Variants in SDK1 observed in about 807,000 individuals in gnomAD.
The protein encoded by SDK1 is protein sidekick-1.
SDK1 carries 157 observed loss-of-function variants against 245.5 expected under a neutral mutation model. The observed-to-expected ratio is 0.64, with a 90% confidence interval of 0.56 to 0.73. SDK1 has a LOEUF of 0.73. Ranked by LOEUF, SDK1 falls within the 30% of genes least tolerant of loss-of-function variation. SDK1 has a pLI of 0.00. For missense variants in SDK1, 3,583 were observed against 3,002.3 expected, an observed-to-expected ratio of 1.19 and a Z score of -4.52; for synonymous variants, 1,647 against 1,278.5, an observed-to-expected ratio of 1.29 and a Z score of -6.15.
intron 1 of SDK1, among the ~76,000 whole-genome samples, chr7:3,377,990 G>A (rs1301028979): frequency 2.0e-5 from 3 of 152,040 alleles, no homozygotes; most frequent in Non-Finnish European, 4.4e-5. Flanking sequence ...TGTTGGCCAG[G>A]CTGGTCTTGA....
At chr7:4,130,260 A>T in intron 27 of SDK1, 163 bp downstream of exon 27, 1 of 714,758 alleles carries the variant, frequency 1.4e-6, no homozygotes, top group Non-Finnish European at 2.2e-6. Context: ...CTGAGCACTT[A>T]TATGGCCAAT....
At chr7:4,183,167 G>A (rs558607614) in intron 35 of SDK1, among the ~76,000 whole-genome samples, 8 of 152,290 alleles carry the variant, frequency 5.3e-5, no homozygotes, top group South Asian at 2.1e-4. Flanking sequence ...GCCGTGAGTC[G>A]TGAGTCATGA....
In SDK1 at chr7:3,732,700, C is replaced by A. The variant is rs565610108; in HGVS notation, c.714-88750C>A. 2.0e-5 allele frequency among the ~76,000 whole-genome samples: 3 copies of A among 152,328 alleles called. No homozygotes were observed. The East Asian group carries it at 5.8e-4, about 29-fold the overall frequency. On this transcript the variant is annotated intron_variant, in intron 4 of 44. Coordinates refer to ENST00000404826, the MANE Select transcript of SDK1 (RefSeq NM_152744.4). ...TGAGGCGCTGAAATGTCTAGCCACACATTTAATGAAATATAATTTGGTGAC... is the reference window on the plus strand; with the variant it reads ...TGAGGCGCTGAAATGTCTAGCCACAAATTTAATGAAATATAATTTGGTGAC...
At chr7:3,592,717 C>T (rs1188311538) in intron 1 of SDK1, among the ~76,000 whole-genome samples, 1 of 152,150 alleles carries the variant, frequency 6.6e-6, no homozygotes, top group South Asian at 2.1e-4. Flanking sequence ...TGTGGGAATC[C>T]TGCTTGGGTA....
chr7:3,314,993 T>C (rs1779631576), intron 1 of SDK1, among the ~76,000 whole-genome samples: 1 of 152,140 alleles, frequency 6.6e-6, no homozygotes, highest in Admixed American at 6.5e-5. Context: ...TCTGACTTTT[T>C]CCTTACTTTA....
intron 42 of SDK1, among the ~76,000 whole-genome samples, 183 bp downstream of exon 42, chr7:4,237,967 A>G (rs538166032): frequency 1.9e-4 from 29 of 152,204 alleles, no homozygotes; most frequent in African/African-American, 6.5e-4. Context: ...CAAACGCTCT[A>G]TGCCTCGGGA....
chr7:3,858,329 G>C (rs544223068), intron 5 of SDK1, among the ~76,000 whole-genome samples: 36 of 152,150 alleles, frequency 2.4e-4, no homozygotes, highest in African/African-American at 8.2e-4. Flanking sequence ...AGAGCGGGAG[G>C]ATTGCTGAGC....
chr7:3,527,744 A>G (rs182653247), intron 1 of SDK1, among the ~76,000 whole-genome samples: 1 of 147,630 alleles, frequency 6.8e-6, no homozygotes, highest in African/African-American at 2.5e-5. Flanking sequence ...GTAAGGTTGG[A>G]TGATAGCTAG....
intron 4 of SDK1, among the ~76,000 whole-genome samples, chr7:3,659,851 G>C (rs1464303737): frequency 6.6e-6 from 1 of 152,184 alleles, no homozygotes; most frequent in Admixed American, 6.5e-5. Flanking sequence ...TGAAAGTGTA[G>C]GTTAAAAGTA....
At chr7:3,664,752 A>G (rs1783475740) in intron 4 of SDK1, among the ~76,000 whole-genome samples, 1 of 152,054 alleles carries the variant, frequency 6.6e-6, no homozygotes, top group African/African-American at 2.4e-5. Context: ...AAAAAAAAAA[A>G]AAAAATTGAG....
At chr7:4,069,559 C>A (rs1361672736) in intron 20 of SDK1, among the ~76,000 whole-genome samples, 1 of 152,194 alleles carries the variant, frequency 6.6e-6, no homozygotes, top group Non-Finnish European at 1.5e-5. Context: ...CAGCTGCCTG[C>A]GGGAGCCATG....
intron 4 of SDK1, among the ~76,000 whole-genome samples, chr7:3,722,804 T>G (rs987884215): frequency 3.9e-5 from 6 of 152,312 alleles, no homozygotes; most frequent in African/African-American, 1.2e-4. Context: ...GCTCAGAGGC[T>G]GAAGCAGGGT....
chr7:3,913,225 T>C (rs1779242633), intron 5 of SDK1, among the ~76,000 whole-genome samples: 1 of 151,974 alleles, frequency 6.6e-6, no homozygotes, highest in South Asian at 2.1e-4. Flanking sequence ...GTTCTCTAGA[T>C]GGCTCCCGGT....
chr7:3,409,514 C>T (rs17133284), intron 1 of SDK1, among the ~76,000 whole-genome samples: 1 of 152,044 alleles, frequency 6.6e-6, no homozygotes, highest in African/African-American at 2.4e-5. Flanking sequence ...ATACAAATTA[C>T]ACCGTTTTTC....
At chr7:3,769,577 C>G (rs115470210) in intron 4 of SDK1, among the ~76,000 whole-genome samples, 1 of 152,218 alleles carries the variant, frequency 6.6e-6, no homozygotes, top group East Asian at 1.9e-4. Flanking sequence ...TTCAATATGA[C>G]TTTCGGAGGG....
intron 42 of SDK1, among the ~76,000 whole-genome samples, chr7:4,241,334 T>C (rs1786503764): frequency 6.6e-6 from 1 of 152,176 alleles, no homozygotes; most frequent in Non-Finnish European, 1.5e-5. Flanking sequence ...CCGGAATTTT[T>C]AGAAGTGTAT....
chr7:4,234,448 G>A (rs1201667493), intron 41 of SDK1, among the ~76,000 whole-genome samples: 2 of 152,152 alleles, frequency 1.3e-5, no homozygotes, highest in Middle Eastern at 3.2e-3. Flanking sequence ...GGTGGGGGCT[G>A]TGACCTCGCC....
At chr7:3,800,770 C>G (rs558403498) in intron 4 of SDK1, among the ~76,000 whole-genome samples, 1 of 152,220 alleles carries the variant, frequency 6.6e-6, no homozygotes, top group South Asian at 2.1e-4. Context: ...TATACACACA[C>G]CCAATCCCTG....
chr7:3,971,598 G>A lies in SDK1; in HGVS notation c.1817+30G>A, dbSNP rs369042498. 5.4e-6 allele frequency: 8 copies of A among 1,491,046 alleles called. No homozygotes were observed. The Admixed American group carries it at 7.0e-5, about 13-fold the overall frequency. The allele number at this position is 1,491,046 out of a possible 1,614,324, so 92.4% of individuals were successfully genotyped here. ...GCACAATCAGTTACAATGCTTTGGG[G>A]CTTGTTGATATTCTGTGAGTTTCTG... On this transcript the variant is annotated intron_variant, in intron 12 of 44. Coordinates refer to ENST00000404826, the MANE Select transcript of SDK1 (RefSeq NM_152744.4).
Sources: allele counts gnomAD v4.1 joint callset (sites outside exome capture counted in the v4.1 genomes callset), GRCh38; gene constraint gnomAD v4.1.1; transcripts MANE v1.5; gene names NCBI Gene and HGNC (gene_info 2026-07-23, HGNC 2026-07-21).